The following VIPR2 variants were observed in gnomAD, a reference collection of about 807,000 sequenced individuals.
The protein encoded by VIPR2 is vasoactive intestinal polypeptide receptor 2.
VIPR2 carries 48 observed loss-of-function variants against 58.0 expected under a neutral mutation model. The observed-to-expected ratio is 0.83, with a 90% CI of 0.66 to 1.05. The LOEUF (loss-of-function observed/expected upper bound fraction) is 1.05, where lower values mean the gene tolerates loss of function less well. Ranked by LOEUF, VIPR2 falls within the 50% of genes least tolerant of loss-of-function variation. The pLI is 0.00. For missense variants in VIPR2, 534 were observed against 558.0 expected, an observed-to-expected ratio of 0.96 and a Z score of 0.43; for synonymous variants, 243 against 235.2, an observed-to-expected ratio of 1.03 and a Z score of -0.30.
At chr7:159,088,492 T>C (rs1857305607) in intron 4 of VIPR2, among the ~76,000 whole-genome samples, 1 of 150,250 alleles carries the variant, frequency 6.7e-6, no homozygotes, top group Non-Finnish European at 1.5e-5. Flanking sequence ...CACACCCGTA[T>C]ACCACACACA....
intron 3 of VIPR2, among the ~76,000 whole-genome samples, chr7:159,106,618 G>A (rs1279858873): frequency 2.8e-5 from 4 of 143,034 alleles, no homozygotes; most frequent in Admixed American, 6.9e-5. Flanking sequence ...GAGAGAGGCC[G>A]GGAAGGGGCA....
At chr7:159,042,274 G>C (rs1219904052) in intron 6 of VIPR2, among the ~76,000 whole-genome samples, 1 of 152,182 alleles carries the variant, frequency 6.6e-6, no homozygotes, top group Non-Finnish European at 1.5e-5. Flanking sequence ...CTCTGGTTGA[G>C]AGTGAGGTAC....
chr7:159,058,470 C>A lies in VIPR2; in HGVS notation c.455+11G>T. On this transcript the variant is annotated intron_variant, in intron 5 of 12. Coordinates refer to ENST00000262178, the MANE Select transcript of VIPR2 (RefSeq NM_003382.5). ...GTATTCTTTGCAGAATTACTAATTT[C>A]TGCTCCTTACCTGAAGAGGCACAGA... is the stretch of plus-strand genomic sequence containing the variant. 6.2e-7 allele frequency: 1 copy of A among 1,608,694 alleles called. No individual in the cohort carries two copies. The highest frequency in any genetic ancestry group is 8.5e-7 in the Non-Finnish European group (1 of 1,175,422).
At position 159,069,424 on chromosome 7, in the gene VIPR2, C is replaced by A. The variant is rs549575168; in HGVS notation, c.358-10846G>T. 3.9e-5 allele frequency among the ~76,000 whole-genome samples: 6 copies of A among 152,320 alleles called. No individual in the cohort carries two copies. In the South Asian group the frequency reaches 1.2e-3, roughly 32 times the overall value. On this transcript the variant is annotated intron_variant, in intron 4 of 12. Transcript: ENST00000262178. ...AATGCACCTGCTGCACTCCTCCTCA[C>A]GTGTGCGGAATCCATCTCTTGTCTC...
At chr7:159,108,370 G>A (rs977055262) in intron 3 of VIPR2, among the ~76,000 whole-genome samples, 5 of 152,182 alleles carry the variant, frequency 3.3e-5, no homozygotes, top group Non-Finnish European at 7.3e-5. Context: ...GCATGTCCTC[G>A]CATAGCTCAC....
intron 6 of VIPR2, among the ~76,000 whole-genome samples, chr7:159,039,577 C>A (rs1365488156): frequency 1.2e-5 from 1 of 82,274 alleles, no homozygotes; most frequent in Non-Finnish European, 2.7e-5. Flanking sequence ...TGAAGCCCCA[C>A]CCGCTGTGGG....
chr7:159,108,024 G>A (rs1301244649), intron 3 of VIPR2, among the ~76,000 whole-genome samples: 1 of 152,192 alleles, frequency 6.6e-6, no homozygotes, highest in East Asian at 1.9e-4. Flanking sequence ...TGGGTTTGTG[G>A]GCAGAAATGA....
At chr7:159,074,760 G>C (rs1485430478) in intron 4 of VIPR2, among the ~76,000 whole-genome samples, 2 of 152,180 alleles carry the variant, frequency 1.3e-5, no homozygotes, top group Non-Finnish European at 2.9e-5. Context: ...GGCTGAGGTG[G>C]GAGGATTGCT....
rs1443934212 is a variant in VIPR2 at position 159,097,161 on chromosome 7, G to A, written c.357+6596C>T. 1 of 1,449,042 alleles carries A rather than the reference G, an allele frequency of 6.9e-7. No homozygotes were observed. Among genetic ancestry groups the A allele is most frequent in the Non-Finnish European group, 9.1e-7 (1 of 1,095,616 alleles). The allele number at this position is 1,449,042 out of a possible 1,614,324, so 89.8% of individuals were successfully genotyped here. A position where few individuals can be genotyped will look rare whatever the true frequency, so the allele number is the denominator to read the frequency against. ...AAAGGCATCTGCAGTGCCAGCTGCT[G>A]TGATCTTTGTCACCAGGGATGGGAG... On this transcript the variant is annotated intron_variant, in intron 4 of 12. Transcript: ENST00000262178. This position sits in a 1 kb window ranked among gnomAD's most constrained non-coding sequence, Gnocchi z 5.3.
At chr7:159,059,192 G>T (rs1277871086) in intron 4 of VIPR2, 1 of 469,592 alleles carries the variant, frequency 2.1e-6, no homozygotes, top group Non-Finnish European at 4.4e-6. Flanking sequence ...CAGAATCACA[G>T]GGAGTTCTAT....
intron 2 of VIPR2, among the ~76,000 whole-genome samples, chr7:159,120,965 C>G (rs1401151456): frequency 6.6e-6 from 1 of 152,208 alleles, no homozygotes; most frequent in Non-Finnish European, 1.5e-5. Flanking sequence ...TTTGCCGCCT[C>G]CTGGCTGACC....
chr7:159,068,072 G>A (rs148972660), intron 4 of VIPR2, among the ~76,000 whole-genome samples: 1 of 152,344 alleles, frequency 6.6e-6, no homozygotes, highest in African/African-American at 2.4e-5. Flanking sequence ...AACCGGCTCA[G>A]AAATTTAAAA....
intron 2 of VIPR2, among the ~76,000 whole-genome samples, chr7:159,136,875 C>T (rs981120423): frequency 1.8e-4 from 28 of 152,288 alleles, no homozygotes; most frequent in Middle Eastern, 3.4e-3. Context: ...CCAACCCCCA[C>T]CAGCAGGACA....
In VIPR2 at chr7:159,098,434, A is replaced by G. The variant is rs75192880; in HGVS notation, c.357+5323T>C. 0.014 allele frequency among the ~76,000 whole-genome samples: 2,121 copies of G among 152,264 alleles called. 32 individuals are homozygous for G. The highest frequency in any genetic ancestry group is 0.034 in the Admixed American group (518 of 15,302). ...AGACCTAAGACTCCCCCAGGCCTGA[A>G]AGCTGGTCTTGGCAGGAAGAGGACA... On this transcript the variant is annotated intron_variant, in intron 4 of 12. Transcript: ENST00000262178. The surrounding 1 kb of genome is among the most constrained non-coding windows in gnomAD (Gnocchi z 5.2).
chr7:159,081,142 A>C (rs1161022692), intron 4 of VIPR2, among the ~76,000 whole-genome samples: 2 of 152,338 alleles, frequency 1.3e-5, no homozygotes, highest in Non-Finnish European at 2.9e-5. Context: ...GGAACCAAAA[A>C]AGAGCCTGCA....
chr7:159,049,790 G>A (rs760237202), intron 5 of VIPR2, among the ~76,000 whole-genome samples: 12 of 152,292 alleles, frequency 7.9e-5, no homozygotes, highest in Non-Finnish European at 1.0e-4. Context: ...CCCTTCATGG[G>A]GGAGTCCCGA....
intron 4 of VIPR2, among the ~76,000 whole-genome samples, chr7:159,091,659 A>G (rs530376769): frequency 6.6e-6 from 1 of 152,304 alleles, no homozygotes; most frequent in South Asian, 2.1e-4. Flanking sequence ...AGGGGCCATG[A>G]GACCTGCCTG....
At chr7:159,144,465 C>A (rs1231546662) in intron 1 of VIPR2, 4 of 1,540,764 alleles carry the variant, frequency 2.6e-6, no homozygotes, top group Non-Finnish European at 2.6e-6. Flanking sequence ...TTCCAGCAAA[C>A]CCCGGACGGT....
intron 2 of VIPR2, among the ~76,000 whole-genome samples, chr7:159,133,855 A>G (rs1797089780): frequency 2.0e-5 from 3 of 152,226 alleles, no homozygotes; most frequent in Non-Finnish European, 2.9e-5. Flanking sequence ...AGTAATCTTT[A>G]ATAAATAAGA....
Sources: gnomAD v4.1 joint callset for allele counts (sites outside exome capture counted in the v4.1 genomes callset) on GRCh38, gnomAD v4.1.1 for gene constraint, Gnocchi (gnomAD v3.1) non-coding constraint, MANE v1.5 for transcripts, NCBI Gene and HGNC (gene_info 2026-07-23, HGNC 2026-07-21) for gene names.